GRIN2A: variants seen among roughly 807,000 people sequenced by gnomAD.
The protein encoded by GRIN2A is glutamate ionotropic receptor NMDA type subunit 2A.
Under a neutral mutation model 113.4 loss-of-function variants are expected in GRIN2A, and 22 were observed. That is an observed-to-expected ratio of 0.19 (90% CI 0.14 to 0.28). The LOEUF (loss-of-function observed/expected upper bound fraction) is 0.28, where lower values mean the gene tolerates loss of function less well. Among genes scored for constraint, GRIN2A ranks in the 10% least tolerant of loss-of-function variants. The pLI is 1.00. For synonymous variants in GRIN2A, 827 were observed against 738.4 expected, an observed-to-expected ratio of 1.12 and a Z score of -1.94; for missense variants, 1,502 against 1,887.0, an observed-to-expected ratio of 0.80 and a Z score of 3.78.
chr16:10,031,728 A>C (rs1312477194), intron 2 of GRIN2A: 1 of 152,278 alleles, frequency 6.6e-6, no homozygotes, highest in Non-Finnish European at 1.5e-5. Flanking sequence ...CCCTGGCTTT[A>C]AAATCTTTAG....
At chr16:9,919,641 T>C (rs2044321144) in intron 3 of GRIN2A, among the ~76,000 whole-genome samples, 2 of 152,222 alleles carry the variant, frequency 1.3e-5, no homozygotes, top group Non-Finnish European at 2.9e-5. Context: ...CAGATACAAC[T>C]TGGGCAAGCT....
intron 2 of GRIN2A, among the ~76,000 whole-genome samples, chr16:10,134,151 T>A (rs2049136278): frequency 7.5e-6 from 1 of 133,952 alleles, no homozygotes; most frequent in South Asian, 2.5e-4. Flanking sequence ...AGTGATCACA[T>A]CACCACACTC....
intron 9 of GRIN2A, among the ~76,000 whole-genome samples, chr16:9,825,029 G>A (rs1347253687): frequency 6.6e-6 from 1 of 152,060 alleles, no homozygotes; most frequent in Non-Finnish European, 1.5e-5. Context: ...GGAAGGGGTA[G>A]GACAGAGGTC....
chr16:10,004,114 G>A (rs902550358), intron 2 of GRIN2A, among the ~76,000 whole-genome samples: 1 of 152,154 alleles, frequency 6.6e-6, no homozygotes, highest in Non-Finnish European at 1.5e-5. Context: ...AATTAGGCCC[G>A]GCATGGTGGC....
At chr16:10,137,716 T>C (rs1014053703) in intron 2 of GRIN2A, among the ~76,000 whole-genome samples, 1 of 152,204 alleles carries the variant, frequency 6.6e-6, no homozygotes, top group Non-Finnish European at 1.5e-5. Context: ...CACTATAGTT[T>C]CCTCCTCTGT....
chr16:10,167,864 G>A (rs1427125633), intron 2 of GRIN2A, among the ~76,000 whole-genome samples: 2 of 152,158 alleles, frequency 1.3e-5, no homozygotes, highest in African/African-American at 2.4e-5. Flanking sequence ...AGGAGAAGTG[G>A]ATAAACAACA....
intron 2 of GRIN2A, among the ~76,000 whole-genome samples, chr16:9,943,567 A>C (rs1004707618): frequency 6.6e-6 from 1 of 152,228 alleles, no homozygotes; most frequent in Non-Finnish European, 1.5e-5. Context: ...AAGGTTACAA[A>C]GCCCATCCAC....
intron 2 of GRIN2A, among the ~76,000 whole-genome samples, chr16:9,992,030 C>T (rs969375164): frequency 2.6e-5 from 4 of 152,148 alleles, no homozygotes; most frequent in Non-Finnish European, 5.9e-5. Flanking sequence ...AACAAAACTG[C>T]ACGTTCTGCA....
At chr16:9,969,065 AT>A (rs2045617762) in intron 2 of GRIN2A, among the ~76,000 whole-genome samples, 1 of 152,196 alleles carries the variant, frequency 6.6e-6, no homozygotes, top group Non-Finnish European at 1.5e-5. Context: ...CAAGTCTGAA[AT>A]TCAGAGTGAA....
At chr16:10,093,736 A>G (rs1019770044) in intron 2 of GRIN2A, among the ~76,000 whole-genome samples, 2 of 152,218 alleles carry the variant, frequency 1.3e-5, no homozygotes, top group Non-Finnish European at 2.9e-5. Context: ...CTGCCACTTA[A>G]GAACCAGGAT....
chr16:9,906,924 C>G lies in GRIN2A; in HGVS notation c.1008-15824G>C, dbSNP rs1379762952. Among the ~76,000 whole-genome samples the G allele has an allele frequency of 3.3e-5, 5 of 152,124 alleles. No individual in the cohort carries two copies. The South Asian group carries it at 1.0e-3, about 32-fold the overall frequency. Reference sequence around the variant, plus strand: ...GTGGCACAATCACAGCTCACTGCGGCCTCAACCTCCGGGGCTCAAGTGATC... The same window carrying G: ...GTGGCACAATCACAGCTCACTGCGGGCTCAACCTCCGGGGCTCAAGTGATC... On this transcript the variant is annotated intron_variant, in intron 3 of 12. Transcript: ENST00000330684.
chr16:10,054,553 A>G (rs1165953666), intron 2 of GRIN2A, among the ~76,000 whole-genome samples: 1 of 152,240 alleles, frequency 6.6e-6, no homozygotes, highest in African/African-American at 2.4e-5. Flanking sequence ...GGCATATATC[A>G]TTAAGAAAAT....
chr16:10,150,708 T>G (rs1352181084), intron 2 of GRIN2A, among the ~76,000 whole-genome samples: 1 of 149,496 alleles, frequency 6.7e-6, no homozygotes, highest in Non-Finnish European at 1.5e-5. Context: ...CAGAGAGACC[T>G]TTCCTGCTCA....
intron 2 of GRIN2A, among the ~76,000 whole-genome samples, chr16:10,138,431 T>C (rs539020758): frequency 2.6e-5 from 4 of 152,106 alleles, no homozygotes; most frequent in Non-Finnish European, 4.4e-5. Context: ...GAGGAACATC[T>C]CACACAGCGG....
intron 2 of GRIN2A, 167 bp downstream of exon 2, chr16:10,179,831 T>G: frequency 1.5e-6 from 1 of 671,734 alleles, no homozygotes; most frequent in Non-Finnish European, 2.7e-6. Context: ...CATTTCTGGG[T>G]TGGAGAGGCA....
chr16:10,019,576 C>A (rs1161332731), intron 2 of GRIN2A, among the ~76,000 whole-genome samples: 1 of 152,096 alleles, frequency 6.6e-6, no homozygotes, highest in Non-Finnish European at 1.5e-5. Context: ...ATTTATCTAC[C>A]CAAGGCTAGA....
intron 2 of GRIN2A, among the ~76,000 whole-genome samples, chr16:9,971,988 G>A (rs2045680322): frequency 6.8e-6 from 1 of 146,064 alleles, no homozygotes; most frequent in Non-Finnish European, 1.5e-5. Context: ...TAGTGGAAGA[G>A]CCAACCTCTT....
rs188945663 is a variant in GRIN2A, at chr16:9,956,635, T to C, written c.415-18084A>G. ...ATGAAACCTGCGCTCAAAGAGCTTA[T>C]GATCCAGATGGAAAAGACAAATATT... On this transcript the variant is annotated intron_variant, in intron 2 of 12. Coordinates refer to ENST00000330684, the MANE Select transcript of GRIN2A (RefSeq NM_001134407.3). 1.3e-3 allele frequency among the ~76,000 whole-genome samples: 194 copies of C among 152,338 alleles called. 1 individual carries two copies. Among genetic ancestry groups the C allele is most frequent in the Admixed American group, 5.1e-3 (78 of 15,300 alleles).
At chr16:9,772,105 TTGTG>T (rs1901309543) in intron 11 of GRIN2A, among the ~76,000 whole-genome samples, 1 of 152,168 alleles carries the variant, frequency 6.6e-6, no homozygotes, top group Non-Finnish European at 1.5e-5. Context: ...GATCAATCGG[TTGTG>T]TAGGTAAAGG....
Sources: gnomAD v4.1 joint callset for allele counts (sites outside exome capture counted in the v4.1 genomes callset) on GRCh38, gnomAD v4.1.1 for gene constraint, MANE v1.5 for transcripts, NCBI Gene and HGNC (gene_info 2026-07-23, HGNC 2026-07-21) for gene names.